Variants in KCNIP4 observed in about 807,000 individuals in gnomAD.
KCNIP4 encodes potassium voltage-gated channel interacting protein 4.
KCNIP4 carries 12 observed loss-of-function variants against 34.0 expected under a neutral mutation model. That is an observed-to-expected ratio of 0.35 (90% CI 0.23 to 0.57). KCNIP4 has a LOEUF of 0.57. Ranked by LOEUF, KCNIP4 falls within the 20% of genes least tolerant of loss-of-function variation. The probability of loss-of-function intolerance (pLI) is 0.83; values close to 1 mark genes in which losing one functional copy is unlikely to be tolerated. For missense variants in KCNIP4, 238 were observed against 311.7 expected (o/e 0.76, Z 1.78); for synonymous variants, 124 against 102.2 (o/e 1.21, Z -1.29).
At chr4:21,461,367 G>A (rs1192708015) in intron 1 of KCNIP4, among the ~76,000 whole-genome samples, 3 of 151,642 alleles carry the variant, frequency 2.0e-5, no homozygotes, top group Admixed American at 6.6e-5. Context: ...GTCTCGGGTA[G>A]TTCTTTAAAG....
chr4:21,609,304 G>C (rs1243342275), intron 1 of KCNIP4, among the ~76,000 whole-genome samples: 1 of 152,156 alleles, frequency 6.6e-6, no homozygotes, highest in East Asian at 1.9e-4. Context: ...CTGATATTAT[G>C]TATTGGTCAA....
intron 1 of KCNIP4, among the ~76,000 whole-genome samples, chr4:21,326,240 C>T (rs1715023500): frequency 6.6e-6 from 1 of 151,538 alleles, no homozygotes; most frequent in Admixed American, 6.6e-5. Context: ...GCCATTTTAG[C>T]TCTAATAACA....
At chr4:21,767,726 C>T (rs529877310) in intron 1 of KCNIP4, among the ~76,000 whole-genome samples, 57 of 151,840 alleles carry the variant, frequency 3.8e-4, no homozygotes, top group Non-Finnish European at 5.0e-4. Flanking sequence ...AAAATATACA[C>T]AGCGGGGACC....
At chr4:21,910,585 T>C (rs1328506877) in intron 1 of KCNIP4, among the ~76,000 whole-genome samples, 1 of 152,168 alleles carries the variant, frequency 6.6e-6, no homozygotes, top group Non-Finnish European at 1.5e-5. Context: ...CAACCATGAT[T>C]AAGCATGACA....
intron 1 of KCNIP4, among the ~76,000 whole-genome samples, chr4:21,626,291 T>C (rs1268876814): frequency 6.6e-6 from 1 of 151,994 alleles, no homozygotes; most frequent in African/African-American, 2.4e-5. Flanking sequence ...ATGAAGACTT[T>C]GGGAGGTAAT....
In KCNIP4 at chr4:20,782,974, C is replaced by A. The variant is rs572647357; in HGVS notation, c.289-24084G>T. 1.8e-4 allele frequency among the ~76,000 whole-genome samples: 28 copies of A among 152,296 alleles called. No homozygotes were observed. The Middle Eastern group carries it at 0.01, about 56-fold the overall frequency. ...TGAATGCATTGCTTCTTAGAAATTT[C>A]TTCTGCCAGATACCCTAAATCATCT... is the stretch of plus-strand genomic sequence containing the variant. On this transcript the variant is annotated intron_variant, in intron 3 of 8. Coordinates refer to ENST00000382152, the MANE Select transcript of KCNIP4 (RefSeq NM_025221.6).
chr4:21,194,448 A>G (rs1386625973), intron 1 of KCNIP4, among the ~76,000 whole-genome samples: 1 of 152,222 alleles, frequency 6.6e-6, no homozygotes, highest in African/African-American at 2.4e-5. Context: ...GAGTAAAGGA[A>G]TCAACCTCTA....
chr4:20,882,523 T>G, intron 2 of KCNIP4, 85 bp downstream of exon 2: 1 of 876,788 alleles, frequency 1.1e-6, no homozygotes, highest in African/African-American at 1.7e-5. Flanking sequence ...ATACTGATTC[T>G]TTGTAGAGAA....
intron 1 of KCNIP4, among the ~76,000 whole-genome samples, chr4:21,757,785 G>T (rs918188877): frequency 1.3e-5 from 2 of 152,178 alleles, no homozygotes; most frequent in East Asian, 1.9e-4. Flanking sequence ...CAAAGTTAGC[G>T]ATGAAGCCAC....
At chr4:20,832,158 C>T (rs1453372605) in intron 3 of KCNIP4, among the ~76,000 whole-genome samples, 10 of 152,104 alleles carry the variant, frequency 6.6e-5, no homozygotes, top group Admixed American at 1.3e-4. Context: ...TTTCTTATTA[C>T]AGGCACTAAA....
chr4:21,927,668 T>C (rs1339839226), intron 1 of KCNIP4, among the ~76,000 whole-genome samples: 1 of 152,192 alleles, frequency 6.6e-6, no homozygotes, highest in African/African-American at 2.4e-5. Context: ...GTATTCGGTT[T>C]ACTTTTTTAC....
intron 1 of KCNIP4, among the ~76,000 whole-genome samples, chr4:21,935,746 C>A (rs1729824639): frequency 6.6e-6 from 1 of 152,006 alleles, no homozygotes; most frequent in Non-Finnish European, 1.5e-5. Context: ...TTTCTCAGGC[C>A]AAATAATTAT....
chr4:21,037,464 A>G (rs561524524), intron 1 of KCNIP4, among the ~76,000 whole-genome samples: 9 of 152,226 alleles, frequency 5.9e-5, no homozygotes, highest in Non-Finnish European at 7.3e-5. Context: ...ATTGCCTGCG[A>G]TACTCATACA....
chr4:20,808,060 G>C (rs530188317), intron 3 of KCNIP4, among the ~76,000 whole-genome samples: 1 of 152,194 alleles, frequency 6.6e-6, no homozygotes, highest in East Asian at 1.9e-4. Context: ...TCCATGCAAG[G>C]CTAGATTGTA....
At chr4:20,959,752 C>T (rs762787876) in intron 1 of KCNIP4, among the ~76,000 whole-genome samples, 12 of 152,236 alleles carry the variant, frequency 7.9e-5, no homozygotes, top group East Asian at 3.9e-4. Context: ...TTATCTTTAA[C>T]GGAGTTCAAT....
chr4:21,037,410 C>A (rs929569316), intron 1 of KCNIP4, among the ~76,000 whole-genome samples: 2 of 152,192 alleles, frequency 1.3e-5, no homozygotes, highest in African/African-American at 4.8e-5. Context: ...TTTTACTATA[C>A]CTTTTCTCTG....
intron 1 of KCNIP4, among the ~76,000 whole-genome samples, chr4:21,449,626 T>TTA (rs1036654981): frequency 1.1e-4 from 16 of 148,598 alleles, no homozygotes; most frequent in Non-Finnish European, 1.9e-4. Flanking sequence ...ATAAGAAAAC[T>TTA]TATATATATG....
intron 1 of KCNIP4, among the ~76,000 whole-genome samples, chr4:21,937,553 T>A (rs1445257049): frequency 6.6e-6 from 1 of 152,144 alleles, no homozygotes; most frequent in African/African-American, 2.4e-5. Context: ...AATCTCAGTA[T>A]CATGTTCCAA....
At chr4:20,863,753 C>A (rs1222509583) in intron 2 of KCNIP4, among the ~76,000 whole-genome samples, 2 of 152,038 alleles carry the variant, frequency 1.3e-5, no homozygotes, top group Non-Finnish European at 2.9e-5. Context: ...TTCATTAATA[C>A]CTGGGTATTT....
Sources: gnomAD v4.1 joint callset for allele counts (sites outside exome capture counted in the v4.1 genomes callset) on GRCh38, gnomAD v4.1.1 for gene constraint, MANE v1.5 for transcripts, NCBI Gene and HGNC (gene_info 2026-07-23, HGNC 2026-07-21) for gene names.